OTUD7B: variants seen among roughly 807,000 people sequenced by gnomAD.
OTUD7B encodes the protein OTU deubiquitinase 7B, also known as OTU domain-containing protein 7B.
Under a neutral mutation model 82.2 loss-of-function variants are expected in OTUD7B, and 34 were observed. The observed-to-expected ratio is 0.41, with a 90% CI of 0.31 to 0.55. The LOEUF (loss-of-function observed/expected upper bound fraction) is 0.55. Ranked by LOEUF, OTUD7B falls within the 20% of genes least tolerant of loss-of-function variation. The pLI, the probability that OTUD7B is intolerant of heterozygous loss-of-function variation, is 0.20. For synonymous variants in OTUD7B, 398 were observed against 402.7 expected, an observed-to-expected ratio of 0.99 and a Z score of 0.14; for missense variants, 944 against 1,062.1, an observed-to-expected ratio of 0.89 and a Z score of 1.55.
At chr1:150,059,878 T>C in the OTUD7B span, among the ~76,000 whole-genome samples, 1 of 152,126 alleles carries the variant, frequency 6.6e-6, no homozygotes, top group Non-Finnish European at 1.5e-5. Flanking sequence ...AATATTCAGC[T>C]AAAAGTTGGA....
Position 149,967,439 on chromosome 1 carries a change from C to T in OTUD7B, c.357G>A (p.Gly119=). 6.2e-7 allele frequency: 1 copy of T among 1,614,102 alleles called. No homozygotes were observed. The highest frequency in any genetic ancestry group is 8.5e-7 in the Non-Finnish European group (1 of 1,179,980). Residue 119 remains glycine (G), a synonymous_variant, in exon 4 of 12, where the codon GGG becomes GGA. Coordinates refer to ENST00000581312, the MANE Select transcript of OTUD7B (RefSeq NM_020205.4). ...LARSHVSSNG[G]GGGSNEHPLE... Reference sequence around the variant, plus strand: ...GGGGGTGCTCATTGCTCCCCCCACCCCCACCATTGGAGGAGACATGGGACC... The same window carrying T: ...GGGGGTGCTCATTGCTCCCCCCACCTCCACCATTGGAGGAGACATGGGACC...
intron 1 of OTUD7B, among the ~76,000 whole-genome samples, chr1:149,979,368 G>C (rs782569423): frequency 4.6e-5 from 7 of 152,062 alleles, no homozygotes; most frequent in Non-Finnish European, 7.4e-5. Flanking sequence ...CACACTACAT[G>C]AGTTTACCTA....
intron 1 of OTUD7B, among the ~76,000 whole-genome samples, chr1:149,979,481 A>G (rs1650567071): frequency 6.6e-6 from 1 of 152,166 alleles, no homozygotes; most frequent in African/African-American, 2.4e-5. Context: ...CTCATAAGAT[A>G]CTTTCAAGGT....
At chr1:150,048,562 T>C in the OTUD7B span, 1 of 151,770 alleles carries the variant, frequency 6.6e-6, no homozygotes, top group Non-Finnish European at 1.5e-5. Context: ...CTACACAAAA[T>C]AAATAAATAA....
At chr1:150,064,516 T>A in the OTUD7B span, among the ~76,000 whole-genome samples, 1 of 127,088 alleles carries the variant, frequency 7.9e-6, no homozygotes, top group African/African-American at 2.5e-5. Flanking sequence ...ACCACAGATG[T>A]ACCCGCTACA....
intron 1 of OTUD7B, among the ~76,000 whole-genome samples, chr1:150,004,120 T>C (rs1652491322): frequency 6.6e-6 from 1 of 152,096 alleles, no homozygotes; most frequent in Admixed American, 6.6e-5. Flanking sequence ...TTTTTCACTC[T>C]TTCCTCTCCT....
At chr1:150,020,070 G>C in the OTUD7B span, among the ~76,000 whole-genome samples, 1 of 152,340 alleles carries the variant, frequency 6.6e-6, no homozygotes, top group South Asian at 2.1e-4. Context: ...TGAGGCTGCA[G>C]TGAACTGAGA....
chr1:150,017,050 T>C, the OTUD7B span, among the ~76,000 whole-genome samples: 1 of 152,250 alleles, frequency 6.6e-6, no homozygotes, highest in Non-Finnish European at 1.5e-5. Flanking sequence ...GCAATTGCCT[T>C]GAATTGTTAA....
chr1:150,004,627 C>G (rs1652537057), intron 1 of OTUD7B, among the ~76,000 whole-genome samples: 2 of 151,126 alleles, frequency 1.3e-5, no homozygotes, highest in Non-Finnish European at 3.0e-5. Context: ...TATATATAAA[C>G]TTATAAGCCT....
the OTUD7B span, among the ~76,000 whole-genome samples, chr1:150,037,312 T>C: frequency 1.3e-5 from 2 of 151,708 alleles, no homozygotes; most frequent in African/African-American, 4.8e-5. Flanking sequence ...GGACTATTTA[T>C]AGATAGTGAA....
intron 5 of OTUD7B, 31 bp from the exon 6 acceptor site, chr1:149,964,380 C>T: frequency 1.9e-6 from 3 of 1,599,286 alleles, no homozygotes; most frequent in Non-Finnish European, 2.6e-6. Flanking sequence ...GGTAAGATAC[C>T]TCAGCTTGAC....
rs781898254 is a variant in OTUD7B, at chr1:149,949,639, G to C, written c.1113C>G (p.Thr371=). The C allele has an allele frequency of 1.2e-6, 2 of 1,613,658 alleles. No individual in the cohort carries two copies. The highest frequency in any genetic ancestry group is 2.2e-5 in the South Asian group (2 of 91,032). ...CATGTCATTCAGCACCTTGTTCCTT[G>C]GTATTCTCCTTCTGCTCCATGGACA... The part of the protein sequence containing the change: ...ALVSMEQKEN[T]KEQAVIPLTD... The change falls in exon 9 of 12, where the codon ACC becomes ACG. Residue 371 remains threonine (T), a synonymous_variant. Transcript: ENST00000581312.
the OTUD7B span, among the ~76,000 whole-genome samples, chr1:150,035,346 C>A: frequency 1.3e-5 from 2 of 152,110 alleles, no homozygotes. Context: ...GTGGTCATAA[C>A]AGCAGGGGAG....
At chr1:150,025,429 C>CAA in the OTUD7B span, among the ~76,000 whole-genome samples, 1 of 140,044 alleles carries the variant, frequency 7.1e-6, no homozygotes, top group Non-Finnish European at 1.5e-5. Flanking sequence ...AACAAGCAAA[C>CAA]AAAACACACA....
the OTUD7B span, chr1:150,047,554 T>C: frequency 1.3e-5 from 2 of 152,172 alleles, no homozygotes; most frequent in Non-Finnish European, 2.9e-5. Flanking sequence ...ATTCAACAAA[T>C]GCTTGTTGAA....
At chr1:150,016,874 A>G in the OTUD7B span, among the ~76,000 whole-genome samples, 1 of 152,238 alleles carries the variant, frequency 6.6e-6, no homozygotes, top group African/African-American at 2.4e-5. Flanking sequence ...AGTAAGAGAC[A>G]GCTTGAGCTA....
At chr1:150,013,955 C>T (rs1460730093), upstream of OTUD7B, among the ~76,000 whole-genome samples, 9 of 130,894 alleles carry the variant, frequency 6.9e-5, no homozygotes, top group Admixed American at 3.1e-4. Flanking sequence ...TATACACACA[C>T]ACACACACAC....
At chr1:149,994,052 C>G (rs1651767900) in intron 1 of OTUD7B, among the ~76,000 whole-genome samples, 2 of 152,214 alleles carry the variant, frequency 1.3e-5, no homozygotes, top group African/African-American at 2.4e-5. Flanking sequence ...CACAAGCCAT[C>G]TGGTAAACAT....
At chr1:149,959,636 G>T (rs57182882) in intron 7 of OTUD7B, 48 bp downstream of exon 7, 3 of 1,147,582 alleles carry the variant, frequency 2.6e-6, no homozygotes, top group African/African-American at 3.0e-5. Context: ...TGGAAGCCCA[G>T]TGAGGACTCT....
Sources: gnomAD v4.1 joint callset for allele counts (sites outside exome capture counted in the v4.1 genomes callset) on GRCh38, gnomAD v4.1.1 for gene constraint, MANE v1.5 for transcripts, NCBI Gene and HGNC (gene_info 2026-07-23, HGNC 2026-07-21) for gene names.